Variants in TSPAN12 observed in about 807,000 individuals in gnomAD.
TSPAN12 encodes the protein tetraspanin 12.
TSPAN12 carries 19 observed loss-of-function variants against 39.2 expected under a neutral mutation model. The observed-to-expected ratio is 0.49, with a 90% CI of 0.34 to 0.71. The LOEUF is 0.71. Among genes scored for constraint, TSPAN12 ranks in the 30% least tolerant of loss-of-function variants. TSPAN12 has a pLI of 0.01. For synonymous variants in TSPAN12, 119 were observed against 124.8 expected (o/e 0.95, Z 0.31); for missense variants, 314 against 359.9 (o/e 0.87, Z 1.03).
chr7:120,812,884 A>AT (rs1794008397), intron 5 of TSPAN12, among the ~76,000 whole-genome samples: 2 of 152,218 alleles, frequency 1.3e-5, no homozygotes, highest in Non-Finnish European at 1.5e-5. Flanking sequence ...GATGAGCAGT[A>AT]CAAAAAAAAC....
chr7:120,792,555 G>C (rs1793549755), intron 7 of TSPAN12, among the ~76,000 whole-genome samples: 1 of 152,130 alleles, frequency 6.6e-6, no homozygotes, highest in South Asian at 2.1e-4. Flanking sequence ...AAAATCCTGA[G>C]ATCTCTCCTC....
intron 1 of TSPAN12, 41 bp from the exon 2 acceptor site, chr7:120,856,874 ATCACGCTTCCCACAGCC>A: frequency 8.3e-7 from 1 of 1,198,942 alleles, no homozygotes; most frequent in Non-Finnish European, 1.2e-6. Context: ...ACATCTCACC[ATCACGCTTCCCACAGCC>A]TGCCCGTCCC....
chr7:120,831,112 C>T (rs1344154891), intron 4 of TSPAN12, among the ~76,000 whole-genome samples: 1 of 151,882 alleles, frequency 6.6e-6, no homozygotes, highest in Non-Finnish European at 1.5e-5. Flanking sequence ...ACTTGTAGCT[C>T]TTAGAATGTT....
At chr7:120,847,494 C>G (rs1038744799) in intron 2 of TSPAN12, among the ~76,000 whole-genome samples, 3 of 152,206 alleles carry the variant, frequency 2.0e-5, no homozygotes, top group African/African-American at 7.2e-5. Context: ...AACTTACCTC[C>G]ATTCCTCCAA....
At chr7:120,800,023 G>A (rs1017902116) in intron 7 of TSPAN12, among the ~76,000 whole-genome samples, 2 of 151,022 alleles carry the variant, frequency 1.3e-5, no homozygotes, top group African/African-American at 4.9e-5. Context: ...TTTCTAATTG[G>A]TCAAAGATGT....
In TSPAN12 at chr7:120,852,855, AAGAGAG is replaced by A. The variant is rs576773917; in HGVS notation, c.66+3837_66+3842del. Among the ~76,000 whole-genome samples the A allele has an allele frequency of 3.1e-3, 463 of 150,080 alleles. 13 individuals carry two copies. Among genetic ancestry groups the A allele is most frequent in the Admixed American group, 0.027 (402 of 15,160 alleles). ...AGTACCAGTTTCTTTATCTAAAAAA[AAGAGAG>A]AGAGAGAGAGAGACTAAGAAAGAAA... On this transcript the variant is annotated intron_variant, in intron 2 of 7. Transcript: ENST00000222747.
chr7:120,855,070 T>C (rs1794845783), intron 2 of TSPAN12, among the ~76,000 whole-genome samples: 1 of 152,254 alleles, frequency 6.6e-6, no homozygotes, highest in South Asian at 2.1e-4. Flanking sequence ...AGAGGAGTGA[T>C]ATTTTTGTTG....
chr7:120,801,297 C>G (rs1002160152), intron 7 of TSPAN12, among the ~76,000 whole-genome samples: 2 of 152,146 alleles, frequency 1.3e-5, no homozygotes, highest in African/African-American at 4.8e-5. Context: ...ATCACACCCC[C>G]TGTTGTTCCC....
intron 7 of TSPAN12, among the ~76,000 whole-genome samples, chr7:120,799,958 A>G (rs1394598994): frequency 6.7e-6 from 1 of 148,462 alleles, no homozygotes; most frequent in African/African-American, 2.5e-5. Context: ...GAAAATTACA[A>G]AGCAAAAGTT....
intron 4 of TSPAN12, among the ~76,000 whole-genome samples, chr7:120,837,315 ATT>A (rs554562744): frequency 2.1e-5 from 3 of 141,016 alleles, no homozygotes; most frequent in Non-Finnish European, 1.5e-5. Flanking sequence ...TCATTTATTT[ATT>A]TTTTTTTTTT....
chr7:120,833,276 C>G (rs1215211749), intron 4 of TSPAN12, among the ~76,000 whole-genome samples: 1 of 152,002 alleles, frequency 6.6e-6, no homozygotes, highest in Non-Finnish European at 1.5e-5. Flanking sequence ...AACTTAAGGA[C>G]TTATGACTAG....
chr7:120,791,720 G>A (rs538238919), intron 7 of TSPAN12, among the ~76,000 whole-genome samples: 1 of 152,324 alleles, frequency 6.6e-6, no homozygotes, highest in East Asian at 1.9e-4. Flanking sequence ...TCTTGGCACT[G>A]TTTAAAGTCT....
intron 1 of TSPAN12, chr7:120,857,286 A>C: frequency 4.3e-6 from 1 of 234,788 alleles, no homozygotes; most frequent in South Asian, 6.2e-5. Context: ...GCGCCCTTCT[A>C]GTTAGGACAG....
In TSPAN12 at chr7:120,819,168, C is replaced by T. The variant is rs760908588; in HGVS notation, c.286-3365G>A. Reference sequence around the variant, plus strand: ...TGGCTACAATGAAAACCAAAGCATCCCTGAAAAGGCAAGATATGTTTATCA... The same window carrying T: ...TGGCTACAATGAAAACCAAAGCATCTCTGAAAAGGCAAGATATGTTTATCA... On this transcript the variant is annotated intron_variant, in intron 4 of 7. Transcript: ENST00000222747. Among the ~76,000 whole-genome samples the T allele has an allele frequency of 6.6e-5, 10 of 152,070 alleles. No homozygotes were observed. The South Asian group carries it at 2.1e-3, about 32-fold the overall frequency.
chr7:120,841,633 A>ATTAAGC (rs3067939), intron 2 of TSPAN12, among the ~76,000 whole-genome samples: 5,213 of 152,222 alleles, frequency 0.034, 148 homozygotes, highest in Non-Finnish European at 0.049. Context: ...ATGAGAATAT[A>ATTAAGC]TTATTTTTTA....
intron 4 of TSPAN12, among the ~76,000 whole-genome samples, chr7:120,820,456 G>A (rs781472536): frequency 1.1e-4 from 17 of 151,988 alleles, no homozygotes; most frequent in Non-Finnish European, 1.0e-4. Flanking sequence ...CTCTCTTTCC[G>A]TACATAGCCT....
chr7:120,801,280 C>T (rs1793765528), intron 7 of TSPAN12, among the ~76,000 whole-genome samples: 1 of 152,174 alleles, frequency 6.6e-6, no homozygotes, highest in South Asian at 2.1e-4. Context: ...CGTCACATCC[C>T]TTCAAAATCA....
chr7:120,848,306 C>T (rs1385209880), intron 2 of TSPAN12, among the ~76,000 whole-genome samples: 1 of 152,110 alleles, frequency 6.6e-6, no homozygotes, highest in African/African-American at 2.4e-5. Context: ...CATCTCATCC[C>T]AGTAGAGGGC....
At chr7:120,820,556 CCTCT>C (rs1193506491) in intron 4 of TSPAN12, among the ~76,000 whole-genome samples, 1 of 152,004 alleles carries the variant, frequency 6.6e-6, no homozygotes, top group African/African-American at 2.4e-5. Flanking sequence ...TTTCTCCCTC[CCTCT>C]GTGTGTCGGG....
Sources: allele counts gnomAD v4.1 joint callset (sites outside exome capture counted in the v4.1 genomes callset), GRCh38; gene constraint gnomAD v4.1.1; transcripts MANE v1.5; gene names NCBI Gene and HGNC (gene_info 2026-07-23, HGNC 2026-07-21).